Variants in ZFHX3 observed in about 807,000 individuals in gnomAD.
ZFHX3 encodes the protein zinc finger homeobox protein 3.
A neutral mutation model predicts 279.1 loss-of-function variants in ZFHX3; 42 were observed. The ratio of observed to expected loss-of-function variants is 0.15; its 90% CI spans 0.12 to 0.19. The LOEUF (loss-of-function observed/expected upper bound fraction) is 0.19, where lower values mean the gene tolerates loss of function less well. Ranked by LOEUF, ZFHX3 falls within the 10% of genes least tolerant of loss-of-function variation. ZFHX3 has a pLI of 1.00. For missense variants in ZFHX3, 4,981 were observed against 4,754.0 expected, an observed-to-expected ratio of 1.05 and a Z score of -1.40; for synonymous variants, 2,293 against 1,957.8, an observed-to-expected ratio of 1.17 and a Z score of -4.52.
rs74030055 is a variant in ZFHX3 at position 73,312,815 on chromosome 16, A to G, written c.-1194+5425T>C. ...TATCAGATTCTACAGCAATGCCAAT[A>G]ATAGTAATAGTAATCATCATAACTG... On this transcript the variant is annotated intron_variant, in intron 4 of 17. Transcript: ENST00000641206. Among the ~76,000 whole-genome samples the G allele has an allele frequency of 4.8e-3, 733 of 152,362 alleles. 10 individuals carry two copies. Among genetic ancestry groups the G allele is most frequent in the African/African-American group, 0.017 (693 of 41,584 alleles).
In ZFHX3 at chr16:72,959,058, C is replaced by G; in HGVS notation, c.1088G>C (p.Ser363Thr). ...STANLIGPGH[S>T]FYGKFSGIRM... ...AATGCCACTAAATTTACCATAAAAA[C>G]TGTGTCCGGGGCCTATGAGGTTAGC... Residue 363 changes from serine to threonine, a missense_variant, in exon 2 of 10, where the codon AGT becomes ACT. Ser to Thr is a moderately conservative substitution (Grantham distance 58). This residue lies in a region of ZFHX3 where 1,068 missense variants were observed against 935.2 expected (regional missense o/e 1.14). Coordinates refer to ENST00000268489, the MANE Select transcript of ZFHX3 (RefSeq NM_006885.4). 6.2e-7 allele frequency: 1 copy of G among 1,614,026 alleles called. No homozygotes were observed. The highest frequency in any genetic ancestry group is 1.3e-5 in the African/African-American group (1 of 75,026).
chr16:72,787,372 A>C lies in ZFHX3; in HGVS notation c.10904T>G (p.Leu3635Arg), dbSNP rs762749058. Residue 3635 changes from leucine (L) to arginine (R), a missense_variant, in exon 10 of 10, where the codon CTC becomes CGC. This residue lies in a region of ZFHX3 where 1,034 missense variants were observed against 786.0 expected (regional missense o/e 1.32). Transcript: ENST00000268489. ...SAAKPPSFPP[L>R]SSSSTVTSSS... is the part of the protein sequence containing the mutation. ...TGAGGTAACCGTTGAAGATGAGGAG[A>C]GAGGAGGAAAAGAAGGGGGCTTCGC... 1.2e-6 allele frequency: 2 copies of C among 1,607,380 alleles called. No individual in the cohort carries two copies. The highest frequency in any genetic ancestry group is 2.2e-5 in the South Asian group (2 of 90,648).
chr16:73,243,789 T>C (rs2013198297), intron 5 of ZFHX3, among the ~76,000 whole-genome samples: 1 of 152,164 alleles, frequency 6.6e-6, no homozygotes, highest in African/African-American at 2.4e-5. Flanking sequence ...AGTGGCTTAA[T>C]TTGGACTTAC....
At chr16:72,822,795 G>GT (rs11365314) in intron 5 of ZFHX3, among the ~76,000 whole-genome samples, 1,207 of 90,398 alleles carry the variant, frequency 0.013, 18 homozygotes, top group African/African-American at 0.018. Context: ...TAGAAAGTGA[G>GT]TTTTTTTTTT....
intron 5 of ZFHX3, among the ~76,000 whole-genome samples, chr16:73,173,017 T>G (rs1185986399): frequency 8.3e-5 from 10 of 120,328 alleles, no homozygotes; most frequent in South Asian, 2.6e-4. Context: ...TGTTTTTTTT[T>G]TTTTTTTTTG....
At chr16:73,718,707 C>T (rs1597080479) in intron 1 of ZFHX3, among the ~76,000 whole-genome samples, 1 of 151,874 alleles carries the variant, frequency 6.6e-6, no homozygotes, top group East Asian at 2.0e-4. Flanking sequence ...CCTCCACCTC[C>T]TGGGTTCAAG....
intron 4 of ZFHX3, among the ~76,000 whole-genome samples, chr16:73,306,524 T>A (rs1182312371): frequency 6.6e-6 from 1 of 152,202 alleles, no homozygotes; most frequent in Non-Finnish European, 1.5e-5. Context: ...GGTTTCACCA[T>A]GTTGGCCAGG....
intron 2 of ZFHX3, among the ~76,000 whole-genome samples, chr16:73,592,631 C>T (rs2052011160): frequency 6.6e-6 from 1 of 152,006 alleles, no homozygotes; most frequent in Middle Eastern, 3.4e-3. Context: ...GTGAATGAAA[C>T]AGATTGACCA....
intron 4 of ZFHX3, among the ~76,000 whole-genome samples, chr16:73,288,912 A>G (rs1476211289): frequency 6.6e-6 from 1 of 150,904 alleles, no homozygotes. Flanking sequence ...TTCTTCAGCA[A>G]GACTGCTATT....
At chr16:72,912,343 G>C (rs2039339960) in intron 3 of ZFHX3, among the ~76,000 whole-genome samples, 1 of 152,218 alleles carries the variant, frequency 6.6e-6, no homozygotes, top group South Asian at 2.1e-4. Context: ...GCTTTAGAAA[G>C]ACTGGCAAGG....
At chr16:73,831,628 A>C (rs1597134849) in intron 1 of ZFHX3, among the ~76,000 whole-genome samples, 1 of 152,156 alleles carries the variant, frequency 6.6e-6, no homozygotes. Flanking sequence ...AGTTAATCTC[A>C]TATCTAATTA....
At chr16:73,628,808 C>T (rs183893080) in intron 2 of ZFHX3, among the ~76,000 whole-genome samples, 56 of 152,274 alleles carry the variant, frequency 3.7e-4, no homozygotes, top group Non-Finnish European at 7.6e-4. Flanking sequence ...AAAATGTGCT[C>T]CCAGCCCTTG....
Position 72,805,046 on chromosome 16 carries a change from C to T in ZFHX3, c.3865-4917G>A, listed in dbSNP as rs887228386. Among the ~76,000 whole-genome samples the T allele has an allele frequency of 1.1e-4, 16 of 152,122 alleles. 1 individual carries two copies. The highest frequency in any genetic ancestry group is 3.9e-4 in the African/African-American group (16 of 41,408). ...AGGCTGAAGTGCAATGGCACAATCT[C>T]GGCTCACTGCAACCTCCGCCTCCCG... is the stretch of plus-strand genomic sequence containing the variant. On this transcript the variant is annotated intron_variant, in intron 7 of 9. Transcript: ENST00000268489.
intron 4 of ZFHX3, among the ~76,000 whole-genome samples, chr16:72,879,103 G>C (rs2038394005): frequency 6.6e-6 from 1 of 152,220 alleles, no homozygotes; most frequent in South Asian, 2.1e-4. Flanking sequence ...CGCAAGTGAA[G>C]GACGGGCTCC....
chr16:72,843,256 A>G (rs1223549122), intron 4 of ZFHX3, among the ~76,000 whole-genome samples: 2 of 152,102 alleles, frequency 1.3e-5, no homozygotes, highest in Non-Finnish European at 2.9e-5. Context: ...CACACCTGTA[A>G]TCTCAGCACT....
At chr16:73,499,334 C>T (rs1324138752) in intron 2 of ZFHX3, 1 of 152,178 alleles carries the variant, frequency 6.6e-6, no homozygotes, top group East Asian at 1.9e-4. Flanking sequence ...GTGATGGGGA[C>T]GTGAGTTAAT....
rs572174098 is a variant in ZFHX3, at chr16:73,832,100, C to T, written c.-1608+59551G>A. Among the ~76,000 whole-genome samples, 194 of 152,280 alleles carry T rather than the reference C, an allele frequency of 1.3e-3. 1 individual carries two copies. The highest frequency in any genetic ancestry group is 4.4e-3 in the African/African-American group (183 of 41,548). On this transcript the variant is annotated intron_variant, in intron 1 of 17. Coordinates refer to the ZFHX3 transcript ENST00000641206. ...GTTTTTAGTAGAGATGGGGTTTCAC[C>T]ATGTTGGTCAGGCTGGTCTTGAACT... is the stretch of plus-strand genomic sequence containing the variant.
At chr16:73,189,424 T>A (rs965185120) in intron 5 of ZFHX3, among the ~76,000 whole-genome samples, 21 of 152,174 alleles carry the variant, frequency 1.4e-4, no homozygotes, top group African/African-American at 3.6e-4. Flanking sequence ...GACATAGCAA[T>A]AACAAATGTA....
intron 2 of ZFHX3, chr16:73,609,732 T>G (rs1347347049): frequency 6.6e-6 from 1 of 151,798 alleles, no homozygotes; most frequent in African/African-American, 2.4e-5. Flanking sequence ...GTATATTCAT[T>G]TAAGAAAACT....
Sources: allele counts gnomAD v4.1 joint callset (sites outside exome capture counted in the v4.1 genomes callset), GRCh38; gene constraint gnomAD v4.1.1; regional missense constraint gnomAD v4.1.1; transcripts MANE v1.5; gene names NCBI Gene and HGNC (gene_info 2026-07-23, HGNC 2026-07-21).